Variants in RTL4 observed in about 807,000 individuals in gnomAD.
RTL4 encodes the protein retrotransposon Gag like 4.
In RTL4, 4 loss-of-function variants were observed where a neutral mutation model predicts 5.3. That is an observed-to-expected ratio of 0.75 (90% confidence interval 0.37 to 1.72). The LOEUF is 1.72. Ranked by LOEUF, RTL4 falls within the 40% of genes most tolerant of loss-of-function variation. RTL4 has a pLI of 0.04. For missense variants in RTL4, 260 were observed against 227.1 expected, an observed-to-expected ratio of 1.14 and a Z score of -0.93; for synonymous variants, 98 against 87.3, an observed-to-expected ratio of 1.12 and a Z score of -0.68.
chrX:112,175,457 G>A, the RTL4 span, among the ~76,000 whole-genome samples: 2 of 110,285 alleles, frequency 1.8e-5, no homozygotes, highest in African/African-American at 6.6e-5. Context: ...GTTTGTACCA[G>A]TACCATGCTG....
the RTL4 span, among the ~76,000 whole-genome samples, chrX:112,121,976 T>C: frequency 8.9e-6 from 1 of 111,937 alleles, no homozygotes; most frequent in Admixed American, 9.6e-5. Context: ...ATTTTAAATT[T>C]GATTAAGGAG....
chrX:112,293,975 T>C, the RTL4 span, among the ~76,000 whole-genome samples: 1 of 111,834 alleles, frequency 8.9e-6, no homozygotes, highest in South Asian at 3.7e-4. Flanking sequence ...CCTCACTAGT[T>C]TGTAAATAAA....
the RTL4 span, among the ~76,000 whole-genome samples, chrX:112,249,550 C>A: frequency 9.0e-6 from 1 of 110,970 alleles, no homozygotes; most frequent in Non-Finnish European, 1.9e-5. Flanking sequence ...GGGCCTCATT[C>A]AGTCTGTTGA....
the RTL4 span, among the ~76,000 whole-genome samples, chrX:112,183,779 A>G: frequency 3.6e-5 from 4 of 111,717 alleles, no homozygotes; most frequent in Non-Finnish European, 7.5e-5. Flanking sequence ...AAACCTGCAC[A>G]TTCTGCACAT....
the RTL4 span, among the ~76,000 whole-genome samples, chrX:112,104,596 T>C: frequency 8.9e-6 from 1 of 112,070 alleles, no homozygotes; most frequent in East Asian, 2.8e-4. Context: ...CATTGTAGCA[T>C]GTGTGAGGTA....
chrX:112,326,475 T>C, the RTL4 span, among the ~76,000 whole-genome samples: 90 of 111,360 alleles, frequency 8.1e-4, no homozygotes, highest in Non-Finnish European at 1.4e-3. Flanking sequence ...ACCAGGAGAT[T>C]ATATCCCGCA....
chrX:112,186,148 A>C, the RTL4 span, among the ~76,000 whole-genome samples: 1 of 111,773 alleles, frequency 8.9e-6, no homozygotes, highest in East Asian at 2.8e-4. Flanking sequence ...ATAAACTGAA[A>C]CAGCACCTGC....
chrX:112,317,376 A>C, the RTL4 span, among the ~76,000 whole-genome samples: 2,719 of 111,855 alleles, frequency 0.024, 182 homozygotes, highest in Admixed American at 0.2. Context: ...TCCAAATAGG[A>C]CTGGCATGTA....
chrX:112,114,899 G>A, the RTL4 span, among the ~76,000 whole-genome samples: 529 of 111,500 alleles, frequency 4.7e-3, 3 homozygotes, highest in African/African-American at 0.017. Context: ...TCAAGCTGCA[G>A]GATAGTATTG....
chrX:112,309,790 A>T, the RTL4 span, among the ~76,000 whole-genome samples: 1 of 108,935 alleles, frequency 9.2e-6, no homozygotes, highest in African/African-American at 3.4e-5. Context: ...ACACATATAT[A>T]TACACACACA....
chrX:112,201,795 G>A, the RTL4 span, among the ~76,000 whole-genome samples: 2 of 111,580 alleles, frequency 1.8e-5, no homozygotes, highest in Non-Finnish European at 3.8e-5. Flanking sequence ...GATAATTGAA[G>A]CTACGTGCTG....
At chrX:112,266,818 GT>G in the RTL4 span, among the ~76,000 whole-genome samples, 1 of 111,107 alleles carries the variant, frequency 9.0e-6, no homozygotes, top group Non-Finnish European at 1.9e-5. Flanking sequence ...CAGTCATTCT[GT>G]TTGATGGGGA....
At chrX:112,113,988 C>T in the RTL4 span, among the ~76,000 whole-genome samples, 2 of 111,540 alleles carry the variant, frequency 1.8e-5, no homozygotes, top group African/African-American at 6.5e-5. Flanking sequence ...AGATTTTGTT[C>T]AGGGCCCAGT....
chrX:112,301,475 T>A, the RTL4 span, among the ~76,000 whole-genome samples: 2 of 110,119 alleles, frequency 1.8e-5, no homozygotes, highest in African/African-American at 6.7e-5. Context: ...AAAACATATG[T>A]CATAGCATTT....
At chrX:112,342,340 C>T in the RTL4 span, among the ~76,000 whole-genome samples, 6 of 111,489 alleles carry the variant, frequency 5.4e-5, no homozygotes, top group Admixed American at 5.7e-4. Context: ...GATTCTGATT[C>T]TGATTTTATT....
chrX:112,190,184 C>CTTTCTTTCTTTCTT, the RTL4 span, among the ~76,000 whole-genome samples: 1 of 97,978 alleles, frequency 1.0e-5, no homozygotes, highest in Non-Finnish European at 2.1e-5. Context: ...TTCTTTCTTT[C>CTTTCTTTCTTTCTT]TTTCTTTCTT....
chrX:112,100,919 G>A, the RTL4 span, among the ~76,000 whole-genome samples: 1 of 111,772 alleles, frequency 8.9e-6, no homozygotes, highest in Non-Finnish European at 1.9e-5. Context: ...GGTAAGATCA[G>A]ATGTTGGGTT....
At chrX:112,144,344 G>A in the RTL4 span, among the ~76,000 whole-genome samples, 327 of 111,513 alleles carry the variant, frequency 2.9e-3, 1 homozygote, top group South Asian at 0.024. Flanking sequence ...CCACTTGAGG[G>A]TGCATCATTT....
chrX:112,242,938 A>G, the RTL4 span, among the ~76,000 whole-genome samples: 1 of 111,562 alleles, frequency 9.0e-6, no homozygotes, highest in Non-Finnish European at 1.9e-5. Context: ...TTCTGCATCT[A>G]TTGAGATAAT....
Sources: gnomAD v4.1 joint callset for allele counts (sites outside exome capture counted in the v4.1 genomes callset) on GRCh38, gnomAD v4.1.1 for gene constraint, MANE v1.5 for transcripts, NCBI Gene and HGNC (gene_info 2026-07-23, HGNC 2026-07-21) for gene names.